The following ZNF704 variants were observed in gnomAD, a reference collection of about 807,000 sequenced individuals.
The protein encoded by ZNF704 is zinc finger protein 704, also known as glucocorticoid induced gene 1.
ZNF704 carries 10 observed loss-of-function variants against 44.7 expected under a neutral mutation model. The ratio of observed to expected loss-of-function variants is 0.22; its 90% CI spans 0.14 to 0.38. The LOEUF (loss-of-function observed/expected upper bound fraction) is 0.38. ZNF704 is among the 10% of genes least tolerant of loss of function. The pLI is 1.00. For synonymous variants in ZNF704, 211 were observed against 207.6 expected (o/e 1.02, Z -0.14); for missense variants, 390 against 545.5 (o/e 0.71, Z 2.84).
chr8:80,665,020 A>G lies in ZNF704; in HGVS notation c.722T>C (p.Leu241Pro). 1.9e-6 allele frequency: 3 copies of G among 1,614,200 alleles called. No homozygotes were observed. The highest frequency in any genetic ancestry group is 2.5e-6 in the Non-Finnish European group (3 of 1,180,040). Reference sequence around the variant, plus strand: ...CCCGTCTGCCACTGAGTCTGTGTTGAGCTTGATCTCAGTGTAGTAAAAGTC... The same window carrying G: ...CCCGTCTGCCACTGAGTCTGTGTTGGGCTTGATCTCAGTGTAGTAAAAGTC... ...EEDFYYTEIK[L>P]NTDSVADGLS... The change falls in exon 6 of 9, where the codon CTC (leucine) becomes CCC (proline). Residue 241 changes from leucine (L) to proline (P), a missense_variant. Transcript: ENST00000327835.
chr8:80,879,262 G>T (rs983371818), upstream of ZNF704, among the ~76,000 whole-genome samples: 2 of 150,800 alleles, frequency 1.3e-5, no homozygotes, highest in African/African-American at 4.9e-5. Context: ...TTTGAGATGG[G>T]GTCTCGCTCT....
chr8:80,783,241 T>C (rs1274908627), intron 2 of ZNF704, among the ~76,000 whole-genome samples: 2 of 152,170 alleles, frequency 1.3e-5, no homozygotes, highest in East Asian at 1.9e-4. Flanking sequence ...GGCCTGTCCA[T>C]CTAAGAAAGA....
At chr8:80,699,994 T>G (rs763249481) in intron 2 of ZNF704, among the ~76,000 whole-genome samples, 36 of 152,164 alleles carry the variant, frequency 2.4e-4, no homozygotes, top group Non-Finnish European at 5.0e-4. Context: ...AGGTGGGGTG[T>G]GGGCCTTTCA....
intron 1 of ZNF704, among the ~76,000 whole-genome samples, chr8:80,854,598 T>A (rs901344748): frequency 1.3e-5 from 2 of 152,192 alleles, no homozygotes; most frequent in African/African-American, 2.4e-5. Context: ...AAAATCAGAA[T>A]ATAAGTTTCT....
intron 1 of ZNF704, among the ~76,000 whole-genome samples, chr8:80,824,109 T>G (rs1808327696): frequency 6.6e-6 from 1 of 151,978 alleles, no homozygotes; most frequent in African/African-American, 2.4e-5. Flanking sequence ...TTCAGATGAT[T>G]GGTAGTAACA....
At chr8:80,679,168 C>A (rs934338193) in intron 4 of ZNF704, among the ~76,000 whole-genome samples, 3 of 152,078 alleles carry the variant, frequency 2.0e-5, no homozygotes, top group Admixed American at 1.3e-4. Flanking sequence ...TGCACCACCC[C>A]CTACTGATTT....
At chr8:80,870,342 C>G (rs528657133) in intron 1 of ZNF704, among the ~76,000 whole-genome samples, 29 of 152,150 alleles carry the variant, frequency 1.9e-4, no homozygotes, top group Non-Finnish European at 3.2e-4. Flanking sequence ...ATTCCTCCTC[C>G]TCTTTGTTCT....
chr8:80,810,834 T>C (rs888911545), intron 2 of ZNF704, among the ~76,000 whole-genome samples: 1 of 152,186 alleles, frequency 6.6e-6, no homozygotes, highest in Non-Finnish European at 1.5e-5. Context: ...TCTATTTAGT[T>C]CCAACTAGTC....
intron 1 of ZNF704, among the ~76,000 whole-genome samples, chr8:80,839,914 T>C (rs1177968940): frequency 6.6e-6 from 1 of 152,174 alleles, no homozygotes; most frequent in Non-Finnish European, 1.5e-5. Context: ...GTTCTGCTCG[T>C]CTGTTAGAAG....
chr8:80,636,993 A>G lies in ZNF704; in HGVS notation c.*4373T>C, dbSNP rs1289253980. ...ATAAAAAGGACCAGCAAGGCTTTGT[A>G]TTCACAATTACATTCAGAAAAAGCC... On this transcript the variant is annotated 3_prime_UTR_variant, in exon 9 of 9. Coordinates refer to ENST00000327835, the MANE Select transcript of ZNF704 (RefSeq NM_001033723.3). 6.6e-6 allele frequency: 1 copy of G among 152,206 alleles called. No homozygotes were observed. The highest frequency in any genetic ancestry group is 2.4e-5 in the African/African-American group (1 of 41,432). The allele number at this position is 152,206 out of a possible 1,614,324, so 9.4% of individuals were successfully genotyped here.
chr8:80,660,450 AAC>A (rs1163993870), intron 6 of ZNF704, among the ~76,000 whole-genome samples: 1 of 150,720 alleles, frequency 6.6e-6, no homozygotes, highest in African/African-American at 2.5e-5. Flanking sequence ...CCAGCCTGAC[AAC>A]AGAGTGAAAT....
At chr8:80,677,930 C>T (rs1209079246) in intron 4 of ZNF704, among the ~76,000 whole-genome samples, 2 of 152,242 alleles carry the variant, frequency 1.3e-5, no homozygotes, top group Non-Finnish European at 2.9e-5. Context: ...TTAACACTTG[C>T]TTATCCTACC....
chr8:80,751,733 C>G (rs867534095), intron 2 of ZNF704, among the ~76,000 whole-genome samples: 2 of 152,108 alleles, frequency 1.3e-5, no homozygotes, highest in Non-Finnish European at 2.9e-5. Context: ...GACTTGAAGT[C>G]AGCCAGGATT....
chr8:80,762,345 C>G (rs1807146185), intron 2 of ZNF704, among the ~76,000 whole-genome samples: 1 of 152,182 alleles, frequency 6.6e-6, no homozygotes, highest in Non-Finnish European at 1.5e-5. Flanking sequence ...AATTAACTCA[C>G]AGTTCCACAT....
intron 1 of ZNF704, among the ~76,000 whole-genome samples, chr8:80,857,353 T>C (rs1808980119): frequency 6.6e-6 from 1 of 152,192 alleles, no homozygotes; most frequent in Non-Finnish European, 1.5e-5. Context: ...AGGTTAATTA[T>C]AGGATTCCTA....
At chr8:80,665,158 C>T in intron 5 of ZNF704, 76 bp from the exon 6 acceptor site, 1 of 1,505,156 alleles carries the variant, frequency 6.6e-7, no homozygotes, top group Non-Finnish European at 9.1e-7. Flanking sequence ...CATGCATTTC[C>T]CCTCTGTCTG....
chr8:80,849,234 A>G (rs1340855774), intron 1 of ZNF704, among the ~76,000 whole-genome samples: 1 of 152,244 alleles, frequency 6.6e-6, no homozygotes, highest in Non-Finnish European at 1.5e-5. Context: ...TTTATTACAG[A>G]ATACCTGTAA....
intron 5 of ZNF704, 123 bp downstream of exon 5, chr8:80,670,380 G>T: frequency 1.5e-6 from 1 of 687,014 alleles, no homozygotes. Flanking sequence ...CTAGAGATTA[G>T]GAAGACCAAG....
At chr8:80,768,806 T>C (rs1483211397) in intron 2 of ZNF704, among the ~76,000 whole-genome samples, 1 of 152,130 alleles carries the variant, frequency 6.6e-6, no homozygotes, top group African/African-American at 2.4e-5. Context: ...AGAGGAGTAT[T>C]TACACCAGAG....
Sources: gnomAD v4.1 joint callset for allele counts (sites outside exome capture counted in the v4.1 genomes callset) on GRCh38, gnomAD v4.1.1 for gene constraint, MANE v1.5 for transcripts, NCBI Gene and HGNC (gene_info 2026-07-23, HGNC 2026-07-21) for gene names.